The following COL6A5 variants were observed in gnomAD, a reference collection of about 807,000 sequenced individuals.
The protein encoded by COL6A5 is collagen type VI alpha 5 chain, also known as collagen alpha-5(VI) chain.
In COL6A5, 48 loss-of-function variants were observed where a neutral mutation model predicts 65.6. The observed-to-expected ratio is 0.73, with a 90% CI of 0.58 to 0.93. The LOEUF is 0.93. Ranked by LOEUF, COL6A5 falls within the 40% of genes least tolerant of loss-of-function variation. COL6A5 has a pLI of 0.00. For missense variants in COL6A5, 914 were observed against 928.3 expected (o/e 0.98, Z 0.20); for synonymous variants, 291 against 322.8 (o/e 0.90, Z 1.05).
At chr3:130,408,984 T>C (rs1937090108) in intron 17 of COL6A5, among the ~76,000 whole-genome samples, 1 of 152,204 alleles carries the variant, frequency 6.6e-6, no homozygotes, top group Non-Finnish European at 1.5e-5. Flanking sequence ...TGCTCTTTAG[T>C]GGCATTGATT....
rs1198881395 is a variant in COL6A5 at position 130,418,945 on chromosome 3, A to G, written c.4950+14A>G. Reference sequence around the variant, plus strand: ...CGAGGAAGACAGGTATGAAGTTTTGAAGTCCCTACCCTCCCCAGATCTGGG... The same window carrying G: ...CGAGGAAGACAGGTATGAAGTTTTGGAGTCCCTACCCTCCCCAGATCTGGG... On this transcript the variant is annotated intron_variant and NMD_transcript_variant, in intron 25 of 41. Transcript: ENST00000312481. The G allele has an allele frequency of 6.5e-7, 1 of 1,549,394 alleles. No homozygotes were observed. Among genetic ancestry groups the G allele is most frequent in the African/African-American group, 1.4e-5 (1 of 72,900 alleles).
intron 17 of COL6A5, among the ~76,000 whole-genome samples, chr3:130,407,429 G>T (rs1238495424): frequency 6.6e-6 from 1 of 152,246 alleles, no homozygotes; most frequent in Non-Finnish European, 1.5e-5. Flanking sequence ...AATATTACTT[G>T]CAGTAATGTG....
intron 27 of COL6A5, among the ~76,000 whole-genome samples, chr3:130,422,117 T>C (rs548065455): frequency 2.0e-5 from 3 of 152,188 alleles, no homozygotes; most frequent in Admixed American, 1.3e-4. Context: ...CTGAATCCTC[T>C]TAAAACTATT....
At chr3:130,367,578 G>GTAGGCAACCAGATTTCAAGTCTC (rs1935389595) in intron 1 of COL6A5, among the ~76,000 whole-genome samples, 2 of 152,190 alleles carry the variant, frequency 1.3e-5, no homozygotes, top group East Asian at 1.9e-4. Context: ...AGGTGGACAT[G>GTAGGCAACCAGATTTCAAGTCTC]TAGGCAACCA....
chr3:130,450,766 A>G (rs1709413154), intron 4 of COL6A5, among the ~76,000 whole-genome samples: 1 of 152,166 alleles, frequency 6.6e-6, no homozygotes, highest in African/African-American at 2.4e-5. Context: ...TAAAAGAAAC[A>G]GGAGCTTGGT....
chr3:130,435,212 C>T (rs1158754032), intron 1 of COL6A5, among the ~76,000 whole-genome samples: 1 of 152,098 alleles, frequency 6.6e-6, no homozygotes, highest in African/African-American at 2.4e-5. Context: ...TTCCCCATTG[C>T]TTGTTTTTGT....
chr3:130,468,486 G>A (rs1709869664), intron 5 of COL6A5, among the ~76,000 whole-genome samples: 7 of 152,042 alleles, frequency 4.6e-5, no homozygotes, highest in Admixed American at 4.6e-4. Context: ...TTAAAAATGA[G>A]TGTTTCTCAA....
chr3:130,346,897 A>G (rs1934497597), intron 1 of COL6A5, among the ~76,000 whole-genome samples: 1 of 152,120 alleles, frequency 6.6e-6, no homozygotes. Context: ...ATTTTTTTCC[A>G]TTTTTTCTAT....
chr3:130,422,394 A>G (rs1937533722), intron 27 of COL6A5, among the ~76,000 whole-genome samples: 1 of 152,034 alleles, frequency 6.6e-6, no homozygotes, highest in Non-Finnish European at 1.5e-5. Context: ...AAAGTAATTC[A>G]TTATTTATTT....
At chr3:130,474,369 C>T (rs1053462994) in intron 7 of COL6A5, among the ~76,000 whole-genome samples, 6 of 151,946 alleles carry the variant, frequency 3.9e-5, no homozygotes, top group African/African-American at 1.2e-4. Flanking sequence ...GACTTAGAGT[C>T]TAAACAACAT....
chr3:130,449,387 G>A (rs1218144298), intron 4 of COL6A5, among the ~76,000 whole-genome samples: 2 of 152,110 alleles, frequency 1.3e-5, no homozygotes, highest in African/African-American at 4.8e-5. Flanking sequence ...ATTAATTTCA[G>A]TCCCCCTTTG....
chr3:130,352,831 G>T (rs1041201249), intron 1 of COL6A5, among the ~76,000 whole-genome samples: 2 of 152,172 alleles, frequency 1.3e-5, no homozygotes, highest in African/African-American at 2.4e-5. Flanking sequence ...AAACAGCAGG[G>T]TGATGATTTA....
At chr3:130,418,780 G>C (rs1937435748) in intron 24 of COL6A5, 89 bp from the exon 25 acceptor site, 2 of 991,590 alleles carry the variant, frequency 2.0e-6, no homozygotes, top group South Asian at 2.8e-5. Context: ...TGAGAACCTT[G>C]AGTCTCCTCA....
At chr3:130,385,878 C>T (rs1170811886) in intron 5 of COL6A5, among the ~76,000 whole-genome samples, 2 of 151,918 alleles carry the variant, frequency 1.3e-5, no homozygotes, top group Non-Finnish European at 1.5e-5. Context: ...AAGTTGAGCA[C>T]CATAAATGCC....
At chr3:130,353,547 A>T (rs1467253363) in intron 1 of COL6A5, among the ~76,000 whole-genome samples, 1 of 152,204 alleles carries the variant, frequency 6.6e-6, no homozygotes, top group Admixed American at 6.5e-5. Flanking sequence ...CTAAATTAGA[A>T]GCAGCTAGAT....
chr3:130,411,319 C>T (rs576132872), intron 20 of COL6A5, among the ~76,000 whole-genome samples: 2 of 152,186 alleles, frequency 1.3e-5, no homozygotes, highest in Non-Finnish European at 2.9e-5. Context: ...GAATAATGGA[C>T]AAAGTCCTAG....
chr3:130,481,400 A>G (rs1710237053), intron 7 of COL6A5, among the ~76,000 whole-genome samples: 1 of 152,120 alleles, frequency 6.6e-6, no homozygotes, highest in Non-Finnish European at 1.5e-5. Flanking sequence ...GCTGCATAGT[A>G]TTCCATGGTG....
chr3:130,364,250 C>G (rs1577430253), intron 1 of COL6A5, among the ~76,000 whole-genome samples: 2 of 152,254 alleles, frequency 1.3e-5, no homozygotes, highest in Non-Finnish European at 2.9e-5. Flanking sequence ...ATCCTCGACC[C>G]CACATCTTAG....
At chr3:130,442,455 G>A (rs1428884712) in intron 3 of COL6A5, among the ~76,000 whole-genome samples, 1 of 152,196 alleles carries the variant, frequency 6.6e-6, no homozygotes, top group African/African-American at 2.4e-5. Context: ...ACAACTCAAA[G>A]ATGGTCATGC....
Sources: allele counts gnomAD v4.1 joint callset (sites outside exome capture counted in the v4.1 genomes callset), GRCh38; gene constraint gnomAD v4.1.1; transcripts MANE v1.5; gene names NCBI Gene and HGNC (gene_info 2026-07-23, HGNC 2026-07-21).